ASDURF: variants seen among roughly 807,000 people sequenced by gnomAD.
The protein encoded by ASDURF is ASDURF protein.
ASDURF carries 3 observed loss-of-function variants against 3.3 expected under a neutral mutation model. That is an observed-to-expected ratio of 0.92 (90% confidence interval 0.42 to 2.37). ASDURF has a LOEUF of 2.37. Among genes scored for constraint, ASDURF ranks in the 30% most tolerant of loss-of-function variants. The pLI, the probability that ASDURF is intolerant of heterozygous loss-of-function variation, is 0.05. For missense variants in ASDURF, 23 were observed against 25.4 expected, an observed-to-expected ratio of 0.90 and a Z score of 0.21; for synonymous variants, 11 against 8.3, an observed-to-expected ratio of 1.32 and a Z score of -0.55.
At chr2:189,662,817 C>T (rs1049873821) in intron 1 of ASDURF, among the ~76,000 whole-genome samples, 1 of 152,010 alleles carries the variant, frequency 6.6e-6, no homozygotes, top group Non-Finnish European at 1.5e-5. Context: ...AGCATGGTGG[C>T]CCAGGCCTGT....
intron 2 of ASDURF, among the ~76,000 whole-genome samples, chr2:189,664,576 T>C (rs1486297390): frequency 6.6e-6 from 1 of 152,184 alleles, no homozygotes; most frequent in Admixed American, 6.5e-5. Flanking sequence ...TTGTCACTTA[T>C]GGAATATTAG....
intron 1 of ASDURF, 70 bp downstream of exon 1, chr2:189,661,680 C>G: frequency 2.5e-6 from 1 of 399,116 alleles, no homozygotes; most frequent in Non-Finnish European, 4.4e-6. Flanking sequence ...GAAGGTGGTC[C>G]GCAGCGGGCA....
In ASDURF at chr2:189,662,806, C is replaced by A. The variant is rs2032697251; in HGVS notation, c.91-1095C>A. Among the ~76,000 whole-genome samples the A allele has an allele frequency of 2.0e-5, 3 of 151,908 alleles. No individual in the cohort carries two copies. In the South Asian group the frequency reaches 6.2e-4, roughly 32 times the overall value. On this transcript the variant is annotated intron_variant, in intron 1 of 3. Coordinates refer to ENST00000607829, the MANE Select transcript of ASDURF (RefSeq NM_001353493.2). ...CCCTACAAATAAATGAAGCCCAGGC[C>A]AGCATGGTGGCCCAGGCCTGTAGTC...
At chr2:189,662,420 A>G (rs2032688808) in intron 1 of ASDURF, among the ~76,000 whole-genome samples, 1 of 152,250 alleles carries the variant, frequency 6.6e-6, no homozygotes, top group Admixed American at 6.5e-5. Context: ...GTAAAGTGAA[A>G]TGTACACCTG....
At chr2:189,665,629 T>C (rs1050403115) in intron 3 of ASDURF, among the ~76,000 whole-genome samples, 178 bp downstream of exon 3, 3 of 127,550 alleles carry the variant, frequency 2.4e-5, no homozygotes, top group South Asian at 2.3e-4. Flanking sequence ...TATATATATA[T>C]ATATATATAT....
chr2:189,665,747 T>G (rs979502171), intron 3 of ASDURF, among the ~76,000 whole-genome samples: 1 of 151,304 alleles, frequency 6.6e-6, no homozygotes, highest in African/African-American at 2.4e-5. Context: ...TTTGTGACTT[T>G]GGGTGAAATA....
chr2:189,661,667 C>G, intron 1 of ASDURF, 57 bp downstream of exon 1: 1 of 399,184 alleles, frequency 2.5e-6, no homozygotes, highest in Non-Finnish European at 4.4e-6. Context: ...GCCACTGGAC[C>G]CTGAAGGTGG....
Position 189,665,431 on chromosome 2 carries a change from A to T in ASDURF, c.200A>T (p.Glu67Val). ...ATATTCTTTCTTGCAGACCGAACAGAAATGCTGTCTGAGAGCAAGAGTAAG... is the reference window on the plus strand; with the variant it reads ...ATATTCTTTCTTGCAGACCGAACAGTAATGCTGTCTGAGAGCAAGAGTAAG... ...SNIFFLADRT[E>V]MLSESKNILD... The change falls in exon 3 of 4, where the codon GAA becomes GTA. Residue 67 changes from glutamate to valine, a missense_variant. Coordinates refer to ENST00000607829, the MANE Select transcript of ASDURF (RefSeq NM_001353493.2). The T allele has an allele frequency of 2.5e-6, 1 of 397,902 alleles. No individual in the cohort carries two copies. Among genetic ancestry groups the T allele is most frequent in the Non-Finnish European group, 4.4e-6 (1 of 225,576 alleles). The allele number at this position is 397,902 out of a possible 1,614,324, so 24.6% of individuals were successfully genotyped here.
Position 189,665,377 on chromosome 2 carries a change from A to G in ASDURF, c.146A>G (p.Lys49Arg). The G allele has an allele frequency of 2.5e-6, 1 of 397,210 alleles. No homozygotes were observed. Among genetic ancestry groups the G allele is most frequent in the Non-Finnish European group, 4.4e-6 (1 of 225,198 alleles). The allele number at this position is 397,210 out of a possible 1,614,324, so 24.6% of individuals were successfully genotyped here. ...DELSNLKKNR[K>R]VYRQQQNSNI... ...ATTAGCCTAAATTATGTTTTCCAGA[A>G]AGTATATAGGCAACAACAGAACAGC... is the stretch of plus-strand genomic sequence containing the variant. The change falls in exon 3 of 4, where the codon AAA becomes AGA. Residue 49 changes from lysine (K) to arginine (R), a missense_variant and splice_region_variant. Transcript: ENST00000607829.
In ASDURF at chr2:189,665,358, C is replaced by T. The variant is rs887750498; in HGVS notation, c.145-18C>T. On this transcript the variant is annotated intron_variant, in intron 2 of 3. Coordinates refer to ENST00000607829, the MANE Select transcript of ASDURF (RefSeq NM_001353493.2). ...TTTTAGATCAAAATTTGATATTAGCCTAAATTATGTTTTCCAGAAAGTATA... is the reference window on the plus strand; with the variant it reads ...TTTTAGATCAAAATTTGATATTAGCTTAAATTATGTTTTCCAGAAAGTATA... 1 of 395,444 alleles carries T rather than the reference C, an allele frequency of 2.5e-6. No homozygotes were observed. The highest frequency in any genetic ancestry group is 4.5e-6 in the Non-Finnish European group (1 of 224,322). The allele number at this position is 395,444 out of a possible 1,614,324, so 24.5% of individuals were successfully genotyped here.
intron 2 of ASDURF, among the ~76,000 whole-genome samples, chr2:189,664,199 T>G (rs2032735362): frequency 6.6e-6 from 1 of 152,246 alleles, no homozygotes; most frequent in East Asian, 1.9e-4. Context: ...ACTAGTTGTA[T>G]TTTGGTATCT....
chr2:189,661,529 C>G lies in ASDURF; in HGVS notation c.9C>G (p.Ser3Arg). ...TCTTGCGCTCGGTGGAAATGCCCAGCCGAGGGACGCGACCAGAGGACAGCT... is the reference window on the plus strand; with the variant it reads ...TCTTGCGCTCGGTGGAAATGCCCAGGCGAGGGACGCGACCAGAGGACAGCT... MP[S>R]RGTRPEDSSV... is the part of the protein sequence containing the mutation. The change falls in exon 1 of 4, where the codon AGC becomes AGG. Residue 3 changes from serine to arginine, a missense_variant. Transcript: ENST00000607829. 5.0e-6 allele frequency: 2 copies of G among 399,276 alleles called. No homozygotes were observed. The highest frequency in any genetic ancestry group is 8.8e-5 in the Admixed American group (2 of 22,740). 24.7% of individuals were successfully genotyped at this position (399,276 alleles called of 1,614,324 possible). A position where few individuals can be genotyped will look rare whatever the true frequency, so the allele number is the denominator to read the frequency against.
intron 1 of ASDURF, 40 bp downstream of exon 1, chr2:189,661,650 AC>A: frequency 2.5e-6 from 1 of 399,312 alleles, no homozygotes; most frequent in Non-Finnish European, 4.4e-6. Flanking sequence ...TGGACTCGGG[AC>A]CGGGCGCCAC....
chr2:189,663,074 C>A (rs931204224), intron 1 of ASDURF, among the ~76,000 whole-genome samples: 1 of 151,710 alleles, frequency 6.6e-6, no homozygotes, highest in Non-Finnish European at 1.5e-5. Flanking sequence ...TAGGGCATTG[C>A]TTGATTTGAA....
intron 3 of ASDURF, 36 bp downstream of exon 3, chr2:189,665,487 C>T: frequency 2.5e-6 from 1 of 393,818 alleles, no homozygotes; most frequent in Non-Finnish European, 4.5e-6. Context: ...TTGGGGGGTG[C>T]CTAAATTATA....
intron 1 of ASDURF, among the ~76,000 whole-genome samples, chr2:189,663,239 A>C (rs28733124): frequency 6.8e-6 from 1 of 146,256 alleles, no homozygotes; most frequent in African/African-American, 2.5e-5. Flanking sequence ...ATATATATAT[A>C]TTTTTTAAAT....
intron 2 of ASDURF, among the ~76,000 whole-genome samples, chr2:189,664,823 A>G (rs2032748595): frequency 1.2e-5 from 1 of 85,680 alleles, no homozygotes; most frequent in Non-Finnish European, 3.2e-5. Flanking sequence ...AGTCTCAACA[A>G]TTCAAAACTA....
intron 3 of ASDURF, 102 bp downstream of exon 3, chr2:189,665,553 T>A: frequency 6.4e-6 from 2 of 313,840 alleles, no homozygotes; most frequent in Non-Finnish European, 1.1e-5. Context: ...TTGATTTTCT[T>A]CAAATTAGGC....
chr2:189,663,165 TTAAATC>T (rs530781153), intron 1 of ASDURF, among the ~76,000 whole-genome samples: 44 of 151,994 alleles, frequency 2.9e-4, no homozygotes, highest in Non-Finnish European at 1.9e-4. Flanking sequence ...TTGCTTTTTT[TTAAATC>T]TAAATCACAA....
Sources: gnomAD v4.1 joint callset for allele counts (sites outside exome capture counted in the v4.1 genomes callset) on GRCh38, gnomAD v4.1.1 for gene constraint, MANE v1.5 for transcripts, NCBI Gene and HGNC (gene_info 2026-07-23, HGNC 2026-07-21) for gene names.